The following UBR2 variants were observed in gnomAD, a reference collection of about 807,000 sequenced individuals.
The protein encoded by UBR2 is E3 ubiquitin-protein ligase UBR2.
In UBR2, 92 loss-of-function variants were observed where a neutral mutation model predicts 247.9. The observed-to-expected ratio is 0.37, with a 90% CI of 0.31 to 0.44. The LOEUF (loss-of-function observed/expected upper bound fraction) is 0.44. Among genes scored for constraint, UBR2 ranks in the 20% least tolerant of loss-of-function variants. The pLI, the probability that UBR2 is intolerant of heterozygous loss-of-function variation, is 1.00. For synonymous variants in UBR2, 672 were observed against 693.5 expected, an observed-to-expected ratio of 0.97 and a Z score of 0.49; for missense variants, 1,613 against 2,112.6, an observed-to-expected ratio of 0.76 and a Z score of 4.64.
At chr6:42,684,740 G>T in intron 43 of UBR2, 54 bp from the exon 44 acceptor site, 1 of 1,422,196 alleles carries the variant, frequency 7.0e-7, no homozygotes, top group Non-Finnish European at 9.7e-7. Flanking sequence ...GTGCCTCATA[G>T]TATAATATGA....
chr6:42,595,241 C>G (rs1792893654), intron 4 of UBR2, among the ~76,000 whole-genome samples: 1 of 152,170 alleles, frequency 6.6e-6, no homozygotes, highest in South Asian at 2.1e-4. Context: ...TGCTGTAGAA[C>G]ATTAGAACTC....
intron 6 of UBR2, 142 bp from the exon 7 acceptor site, chr6:42,606,447 C>A: frequency 1.6e-6 from 1 of 635,402 alleles, no homozygotes; most frequent in Non-Finnish European, 2.6e-6. Context: ...TTTTAACTAA[C>A]TTATCAATGA....
At chr6:42,680,766 A>G (rs2151991529) in intron 42 of UBR2, among the ~76,000 whole-genome samples, 2 of 152,322 alleles carry the variant, frequency 1.3e-5, no homozygotes, top group Middle Eastern at 6.8e-3. Context: ...CATATCTGAT[A>G]AGGGATTAAC....
In UBR2 at chr6:42,663,238, C is replaced by T; in HGVS notation, c.3537-20C>T. On this transcript the variant is annotated intron_variant, in intron 31 of 46. Transcript: ENST00000372901. ...GTAAATTACCATTGTTTTGATACCT[C>T]ATGTTCTCTAATTGTAAAGGTATTT... 6.4e-7 allele frequency: 1 copy of T among 1,573,602 alleles called. No homozygotes were observed. Among genetic ancestry groups the T allele is most frequent in the South Asian group, 1.2e-5 (1 of 85,544 alleles).
intron 4 of UBR2, among the ~76,000 whole-genome samples, chr6:42,600,054 A>T (rs1793259771): frequency 6.6e-6 from 1 of 152,168 alleles, no homozygotes; most frequent in South Asian, 2.1e-4. Flanking sequence ...TGCAGCCTCT[A>T]GTTTATTTCT....
intron 8 of UBR2, among the ~76,000 whole-genome samples, chr6:42,614,530 A>T (rs1191743098): frequency 6.6e-6 from 1 of 151,978 alleles, no homozygotes; most frequent in Non-Finnish European, 1.5e-5. Context: ...TGAAGTTTAC[A>T]TTTAAAAGGT....
At chr6:42,619,847 A>C (rs1221305258) in intron 11 of UBR2, 2 of 611,862 alleles carry the variant, frequency 3.3e-6, no homozygotes, top group Non-Finnish European at 4.1e-6. Flanking sequence ...CCTCCCAAGT[A>C]GCTGGGACCA....
intron 2 of UBR2, among the ~76,000 whole-genome samples, chr6:42,578,972 A>C (rs12179592): frequency 0.017 from 2,469 of 149,018 alleles, 107 homozygotes; most frequent in African/African-American, 0.056. Flanking sequence ...CACACACACA[A>C]ACACACACAC....
At chr6:42,589,111 G>C (rs1792490785) in intron 2 of UBR2, among the ~76,000 whole-genome samples, 1 of 151,990 alleles carries the variant, frequency 6.6e-6, no homozygotes, top group African/African-American at 2.4e-5. Context: ...TGGTACTACA[G>C]GCACACCACT....
At chr6:42,566,545 G>A (rs997307449) in intron 1 of UBR2, among the ~76,000 whole-genome samples, 6 of 152,070 alleles carry the variant, frequency 3.9e-5, no homozygotes, top group Non-Finnish European at 8.8e-5. Flanking sequence ...ACGCCACCAC[G>A]CCTGACTAAT....
intron 25 of UBR2, among the ~76,000 whole-genome samples, chr6:42,653,420 C>G (rs1040082298): frequency 1.3e-5 from 2 of 151,882 alleles, no homozygotes; most frequent in African/African-American, 2.4e-5. Flanking sequence ...TAATGTAAGC[C>G]GTTCGTACAC....
intron 16 of UBR2, 112 bp from the exon 17 acceptor site, chr6:42,641,470 T>C: frequency 1.5e-6 from 1 of 656,300 alleles, no homozygotes; most frequent in Non-Finnish European, 2.4e-6. Context: ...TAATAATAAT[T>C]TATATTGTGT....
chr6:42,649,936 G>A (rs1218171061), intron 22 of UBR2, among the ~76,000 whole-genome samples: 1 of 152,182 alleles, frequency 6.6e-6, no homozygotes, highest in Non-Finnish European at 1.5e-5. Flanking sequence ...CAACACGGAA[G>A]TCTTTACATG....
chr6:42,662,385 G>A, intron 31 of UBR2, 108 bp downstream of exon 31: 1 of 680,622 alleles, frequency 1.5e-6, no homozygotes, highest in Non-Finnish European at 2.4e-6. Flanking sequence ...TAAAAATGTT[G>A]AAAAAATCCG....
At chr6:42,569,056 T>A (rs1026389355) in intron 1 of UBR2, among the ~76,000 whole-genome samples, 2 of 152,256 alleles carry the variant, frequency 1.3e-5, no homozygotes, top group Non-Finnish European at 2.9e-5. Flanking sequence ...CATATATTAT[T>A]TATCTGTTCA....
intron 8 of UBR2, among the ~76,000 whole-genome samples, chr6:42,614,177 CAAAAAAAAAAAA>C (rs1167450076): frequency 1.8e-4 from 2 of 11,392 alleles, no homozygotes; most frequent in African/African-American, 8.3e-4. Flanking sequence ...ACTCTGTCTC[CAAAAAAAAAAAA>C]AAAAAAAAAA....
intron 4 of UBR2, among the ~76,000 whole-genome samples, chr6:42,601,428 C>T (rs1191678629): frequency 6.6e-6 from 1 of 152,158 alleles, no homozygotes; most frequent in Non-Finnish European, 1.5e-5. Context: ...GCTGCTCACA[C>T]CTGTAATCCC....
chr6:42,617,198 G>T, intron 10 of UBR2: 1 of 1,563,794 alleles, frequency 6.4e-7, no homozygotes, highest in South Asian at 1.1e-5. Flanking sequence ...TTAAACATTT[G>T]GTCATTGTGG....
intron 12 of UBR2, 41 bp downstream of exon 12, chr6:42,632,756 G>C: frequency 2.5e-6 from 4 of 1,589,282 alleles, no homozygotes; most frequent in Non-Finnish European, 3.4e-6. Context: ...GCAATTTATA[G>C]AAAGTCAATG....
Sources: gnomAD v4.1 joint callset for allele counts (sites outside exome capture counted in the v4.1 genomes callset) on GRCh38, gnomAD v4.1.1 for gene constraint, MANE v1.5 for transcripts, NCBI Gene and HGNC (gene_info 2026-07-23, HGNC 2026-07-21) for gene names.